Variants in SLC24A2 observed in about 807,000 individuals in gnomAD.
SLC24A2 encodes the protein solute carrier family 24 member 2.
SLC24A2 carries 36 observed loss-of-function variants against 62.0 expected under a neutral mutation model. That is an observed-to-expected ratio of 0.58 (90% CI 0.44 to 0.77). The LOEUF (loss-of-function observed/expected upper bound fraction) is 0.77, where lower values mean the gene tolerates loss of function less well. Among genes scored for constraint, SLC24A2 ranks in the 30% least tolerant of loss-of-function variants. SLC24A2 has a pLI of 0.00. For missense variants in SLC24A2, 846 were observed against 817.9 expected (o/e 1.03, Z -0.42); for synonymous variants, 358 against 294.0 (o/e 1.22, Z -2.23).
chr9:20,140,582 A>G, the SLC24A2 span, among the ~76,000 whole-genome samples: 1 of 152,162 alleles, frequency 6.6e-6, no homozygotes, highest in Non-Finnish European at 1.5e-5. Context: ...TCTGGCTCTC[A>G]GTTCATCAGC....
At chr9:20,147,449 CA>C in the SLC24A2 span, among the ~76,000 whole-genome samples, 1 of 152,012 alleles carries the variant, frequency 6.6e-6, no homozygotes, top group African/African-American at 2.4e-5. Context: ...TTTTTCATGT[CA>C]AGTCTTGATG....
intron 2 of SLC24A2, among the ~76,000 whole-genome samples, chr9:19,696,916 T>C (rs1237928073): frequency 6.6e-6 from 1 of 152,182 alleles, no homozygotes; most frequent in Non-Finnish European, 1.5e-5. Flanking sequence ...ACCAGGTATA[T>C]AAGGTAACTT....
At chr9:19,994,345 C>A in the SLC24A2 span, among the ~76,000 whole-genome samples, 5 of 152,078 alleles carry the variant, frequency 3.3e-5, no homozygotes, top group South Asian at 6.2e-4. Context: ...CATGAATAAC[C>A]AGGGTAATTA....
At chr9:19,729,062 G>T (rs964919659) in intron 2 of SLC24A2, among the ~76,000 whole-genome samples, 2 of 152,044 alleles carry the variant, frequency 1.3e-5, no homozygotes, top group Non-Finnish European at 2.9e-5. Flanking sequence ...TCTGGTGCAT[G>T]AATAAGAATA....
rs181503906 is a variant in SLC24A2 at position 19,555,746 on chromosome 9, A to G, written c.1348-5478T>C. 1.1e-3 allele frequency among the ~76,000 whole-genome samples: 166 copies of G among 152,288 alleles called. 1 individual carries two copies. Among genetic ancestry groups the G allele is most frequent in the African/African-American group, 3.6e-3 (151 of 41,562 alleles). ...GATCACTTGAGGTCAGGAGTTTGAG[A>G]CCAGCTTGGCCAACATGGTGAAACC... On this transcript the variant is annotated intron_variant, in intron 7 of 10. Coordinates refer to ENST00000341998, the MANE Select transcript of SLC24A2 (RefSeq NM_020344.4).
the SLC24A2 span, among the ~76,000 whole-genome samples, chr9:19,838,626 G>A: frequency 8.6e-5 from 13 of 150,752 alleles, no homozygotes; most frequent in Admixed American, 2.0e-4. Context: ...GCAATAGAGG[G>A]AGACTCTGGT....
the SLC24A2 span, among the ~76,000 whole-genome samples, chr9:19,972,677 C>T: frequency 3.9e-5 from 6 of 152,098 alleles, no homozygotes; most frequent in South Asian, 4.1e-4. Context: ...GAGTGCATAT[C>T]TTATATGTCT....
the SLC24A2 span, among the ~76,000 whole-genome samples, chr9:19,876,390 G>GTGTGTT: frequency 6.6e-6 from 1 of 152,014 alleles, no homozygotes; most frequent in Admixed American, 6.6e-5. Flanking sequence ...GTGTGTGTGT[G>GTGTGTT]TGTGTGTGTG....
the SLC24A2 span, among the ~76,000 whole-genome samples, chr9:20,085,930 A>G: frequency 3.9e-5 from 6 of 152,116 alleles, no homozygotes; most frequent in African/African-American, 1.4e-4. Context: ...AATATAGTCG[A>G]GCAAATGCAT....
intron 2 of SLC24A2, among the ~76,000 whole-genome samples, chr9:19,708,802 C>G (rs946320748): frequency 1.3e-5 from 2 of 151,994 alleles, no homozygotes; most frequent in African/African-American, 4.8e-5. Flanking sequence ...CCATAAAAAC[C>G]CTAGAAGAAA....
At chr9:19,706,010 T>C (rs1268404930) in intron 2 of SLC24A2, among the ~76,000 whole-genome samples, 2 of 152,066 alleles carry the variant, frequency 1.3e-5, no homozygotes, top group African/African-American at 4.8e-5. Context: ...GTCTCGTTGA[T>C]CTGTCTAATG....
the SLC24A2 span, among the ~76,000 whole-genome samples, chr9:19,850,500 C>T: frequency 1.3e-5 from 2 of 151,970 alleles, 1 homozygote; most frequent in South Asian, 4.1e-4. Context: ...AAAATTTACC[C>T]TTTTAAAGTG....
the SLC24A2 span, among the ~76,000 whole-genome samples, chr9:19,953,234 C>T: frequency 6.6e-6 from 1 of 151,816 alleles, no homozygotes; most frequent in Non-Finnish European, 1.5e-5. Flanking sequence ...GTTGTTTGTC[C>T]ATTCTCTATT....
At chr9:20,045,463 G>A in the SLC24A2 span, among the ~76,000 whole-genome samples, 265 of 152,048 alleles carry the variant, frequency 1.7e-3, no homozygotes, top group Middle Eastern at 6.8e-3. Context: ...ACAGAGTCTC[G>A]CACTGTCGCC....
At chr9:19,576,417 C>T (rs1348009163) in intron 6 of SLC24A2, among the ~76,000 whole-genome samples, 1 of 152,106 alleles carries the variant, frequency 6.6e-6, no homozygotes, top group Non-Finnish European at 1.5e-5. Context: ...TTCTTAAAAA[C>T]GAGAGGCAGC....
the SLC24A2 span, among the ~76,000 whole-genome samples, chr9:19,918,513 C>G: frequency 6.6e-6 from 1 of 152,238 alleles, no homozygotes; most frequent in African/African-American, 2.4e-5. Flanking sequence ...CTCCACTCTC[C>G]TTTCCACATC....
the SLC24A2 span, among the ~76,000 whole-genome samples, chr9:19,998,511 C>T: frequency 5.3e-5 from 8 of 152,248 alleles, no homozygotes; most frequent in African/African-American, 1.9e-4. Flanking sequence ...TTAAAACAGC[C>T]CCCAGCAATA....
chr9:20,073,755 A>C, the SLC24A2 span, among the ~76,000 whole-genome samples: 4 of 152,000 alleles, frequency 2.6e-5, no homozygotes, highest in African/African-American at 9.7e-5. Context: ...GAGTTTGCAG[A>C]AAATCTAATG....
the SLC24A2 span, among the ~76,000 whole-genome samples, chr9:20,036,835 T>C: frequency 6.6e-6 from 1 of 151,864 alleles, no homozygotes; most frequent in African/African-American, 2.4e-5. Context: ...CACATATATA[T>C]GTGTATATAT....
Sources: gnomAD v4.1 joint callset for allele counts (sites outside exome capture counted in the v4.1 genomes callset) on GRCh38, gnomAD v4.1.1 for gene constraint, MANE v1.5 for transcripts, NCBI Gene and HGNC (gene_info 2026-07-23, HGNC 2026-07-21) for gene names.